Variants in SDK1 observed in about 807,000 individuals in gnomAD.
SDK1 encodes sidekick cell adhesion molecule 1.
SDK1 carries 157 observed loss-of-function variants against 245.5 expected under a neutral mutation model. The ratio of observed to expected loss-of-function variants is 0.64; its 90% CI spans 0.56 to 0.73. SDK1 has a LOEUF of 0.73. Ranked by LOEUF, SDK1 falls within the 30% of genes least tolerant of loss-of-function variation. The probability of loss-of-function intolerance (pLI) is 0.00; values close to 1 mark genes in which losing one functional copy is unlikely to be tolerated. For missense variants in SDK1, 3,583 were observed against 3,002.3 expected, an observed-to-expected ratio of 1.19 and a Z score of -4.52; for synonymous variants, 1,647 against 1,278.5, an observed-to-expected ratio of 1.29 and a Z score of -6.15.
rs530812178 is a variant in SDK1, at chr7:4,249,466, G to T, written c.6381+3661G>T. Among the ~76,000 whole-genome samples, 3 of 152,302 alleles carry T rather than the reference G, an allele frequency of 2.0e-5. No individual in the cohort carries two copies. The East Asian group carries it at 5.8e-4, about 29-fold the overall frequency. ...CACCTCATGGTTCCTAGTGCCTTTT[G>T]GGTGACAGGCTGCTTCTGGAGGCTG... On this transcript the variant is annotated intron_variant, in intron 44 of 44. Coordinates refer to ENST00000404826, the MANE Select transcript of SDK1 (RefSeq NM_152744.4).
intron 4 of SDK1, among the ~76,000 whole-genome samples, chr7:3,813,102 A>G (rs925084871): frequency 6.6e-6 from 1 of 150,710 alleles, no homozygotes; most frequent in African/African-American, 2.5e-5. Context: ...TTTTATTTTT[A>G]TTTATTTATT....
In SDK1 at chr7:3,362,111, A is replaced by G. The variant is rs534423477; in HGVS notation, c.298+60227A>G. ...AGTGAAGGGACCTAGTTCTTATAAT[A>G]GCATTTTGATCTGAGGACTGTGCTG... On this transcript the variant is annotated intron_variant, in intron 1 of 44. Transcript: ENST00000404826. Among the ~76,000 whole-genome samples the G allele has an allele frequency of 2.0e-5, 3 of 152,320 alleles. No individual in the cohort carries two copies. In the South Asian group the frequency reaches 6.2e-4, roughly 32 times the overall value.
intron 1 of SDK1, among the ~76,000 whole-genome samples, chr7:3,564,696 G>A (rs545955755): frequency 5.9e-5 from 9 of 151,940 alleles, no homozygotes; most frequent in Non-Finnish European, 1.0e-4. Context: ...ACCAATACAT[G>A]GTAAAGAAAT....
At chr7:3,339,655 C>T (rs1002342523) in intron 1 of SDK1, among the ~76,000 whole-genome samples, 20 of 151,852 alleles carry the variant, frequency 1.3e-4, no homozygotes, top group Non-Finnish European at 2.2e-4. Context: ...ATAATTCATA[C>T]GTCAGTCTCA....
intron 4 of SDK1, among the ~76,000 whole-genome samples, chr7:3,795,400 T>TTA (rs1365212601): frequency 1.3e-5 from 2 of 152,092 alleles, no homozygotes; most frequent in African/African-American, 4.8e-5. Context: ...GATTCAGGCC[T>TTA]TATAGATCAT....
intron 34 of SDK1, 58 bp from the exon 35 acceptor site, chr7:4,178,427 T>A: frequency 7.7e-7 from 1 of 1,298,106 alleles, no homozygotes; most frequent in East Asian, 2.3e-5. Flanking sequence ...GGGGGAACTT[T>A]GGAGAAAGAG....
At chr7:4,130,374 C>T (rs1030271417) in intron 27 of SDK1, 18 of 449,120 alleles carry the variant, frequency 4.0e-5, no homozygotes, top group African/African-American at 2.3e-4. Context: ...GAGGCTGGGG[C>T]GGGGCCGAGC....
At chr7:3,952,444 G>A (rs889609104) in intron 7 of SDK1, among the ~76,000 whole-genome samples, 3 of 152,182 alleles carry the variant, frequency 2.0e-5, no homozygotes, top group African/African-American at 2.4e-5. Context: ...TCAGCTGGGC[G>A]CAGTGGCGGG....
intron 19 of SDK1, among the ~76,000 whole-genome samples, chr7:4,065,694 GTT>G (rs749991713): frequency 0.047 from 3,148 of 66,436 alleles, 69 homozygotes; most frequent in Non-Finnish European, 0.085. Flanking sequence ...AGTGGTTGTT[GTT>G]TTTTTTTTTT....
rs73674349 is a variant in SDK1 at position 3,930,418 on chromosome 7, C to A, written c.848-20505C>A. On this transcript the variant is annotated intron_variant, in intron 5 of 44. Transcript: ENST00000404826. ...ACTTGAACAGGATCCCCAGCTGAAT[C>A]ACGTACACACACAAGTTTGAGAAGC... Among the ~76,000 whole-genome samples the A allele has an allele frequency of 4.6e-3, 694 of 152,286 alleles. 2 individuals are homozygous for A. Among genetic ancestry groups the A allele is most frequent in the African/African-American group, 0.016 (668 of 41,550 alleles).
In SDK1 at chr7:4,194,460, G is replaced by A. The variant is rs200418771; in HGVS notation, c.5099-11419G>A. 2.1e-3 allele frequency among the ~76,000 whole-genome samples: 261 copies of A among 125,268 alleles called. 7 individuals are homozygous for A. The highest frequency in any genetic ancestry group is 8.5e-3 in the African/African-American group (251 of 29,548). The allele number at this position is 125,268 out of a possible 152,430, so 82.2% of individuals were successfully genotyped here. ...TACATATATGTATACATGTATATAT[G>A]TGTGTGTGTATATATATACTCCCAT... On this transcript the variant is annotated intron_variant, in intron 35 of 44. Transcript: ENST00000404826.
intron 19 of SDK1, among the ~76,000 whole-genome samples, 174 bp downstream of exon 19, chr7:4,052,004 A>G (rs1778886259): frequency 6.6e-6 from 1 of 152,132 alleles, no homozygotes; most frequent in South Asian, 2.1e-4. Flanking sequence ...AATGCCTCGC[A>G]GAGGATGGCA....
chr7:4,012,585 T>TTTTTTTTTG, intron 16 of SDK1, among the ~76,000 whole-genome samples: 1 of 121,194 alleles, frequency 8.3e-6, no homozygotes, highest in Non-Finnish European at 1.7e-5. Context: ...TTTTTTTTTT[T>TTTTTTTTTG]TTTTTTTGAT....
intron 1 of SDK1, among the ~76,000 whole-genome samples, chr7:3,463,564 T>C (rs1163118289): frequency 7.5e-6 from 1 of 132,536 alleles, no homozygotes; most frequent in African/African-American, 3.6e-5. Context: ...AATGGGATCA[T>C]TTAGCCATGG....
At chr7:4,228,934 T>C (rs1785591630) in intron 40 of SDK1, among the ~76,000 whole-genome samples, 5 of 152,116 alleles carry the variant, frequency 3.3e-5, no homozygotes, top group Admixed American at 3.3e-4. Context: ...CTAGCCTGGG[T>C]GATTGACAAG....
rs149394608 is a variant in SDK1 at position 3,712,175 on chromosome 7, C to G, written c.713+70070C>G. Among the ~76,000 whole-genome samples, 290 of 152,308 alleles carry G rather than the reference C, an allele frequency of 1.9e-3. 3 individuals carry two copies. The highest frequency in any genetic ancestry group is 6.4e-3 in the African/African-American group (268 of 41,556). On this transcript the variant is annotated intron_variant, in intron 4 of 44. Coordinates refer to ENST00000404826, the MANE Select transcript of SDK1 (RefSeq NM_152744.4). ...GGTGGGCAAGTGAGCGAAGTCTCAT[C>G]TGTATTTACAGCCATTCCCCATCAC... is the stretch of plus-strand genomic sequence containing the variant.
chr7:3,869,095 T>C (rs6975723), intron 5 of SDK1, among the ~76,000 whole-genome samples: 8 of 151,338 alleles, frequency 5.3e-5, no homozygotes, highest in Non-Finnish European at 7.4e-5. Flanking sequence ...GATTTTTTTT[T>C]CCCCCAAAAA....
At chr7:3,499,175 T>A (rs955418730) in intron 1 of SDK1, among the ~76,000 whole-genome samples, 18 of 152,248 alleles carry the variant, frequency 1.2e-4, no homozygotes, top group African/African-American at 3.4e-4. Context: ...GCTGAAATTT[T>A]ACGCATTTCA....
At chr7:4,254,148 A>G (rs1406015541) in intron 44 of SDK1, among the ~76,000 whole-genome samples, 1 of 151,990 alleles carries the variant, frequency 6.6e-6, no homozygotes, top group Non-Finnish European at 1.5e-5. Context: ...ATTTTTATCA[A>G]ATTTGGGAAA....
Sources: gnomAD v4.1 joint callset for allele counts (sites outside exome capture counted in the v4.1 genomes callset) on GRCh38, gnomAD v4.1.1 for gene constraint, MANE v1.5 for transcripts, NCBI Gene and HGNC (gene_info 2026-07-23, HGNC 2026-07-21) for gene names.